The following RARB variants were observed in gnomAD, a reference collection of about 807,000 sequenced individuals.
RARB encodes HBV-activated protein.
RARB carries 17 observed loss-of-function variants against 51.9 expected under a neutral mutation model. The ratio of observed to expected loss-of-function variants is 0.33; its 90% CI spans 0.22 to 0.49. RARB has a LOEUF of 0.49. RARB is among the 20% of genes least tolerant of loss of function. The probability of loss-of-function intolerance (pLI) is 0.99; values close to 1 mark genes in which losing one functional copy is unlikely to be tolerated. For missense variants in RARB, 369 were observed against 550.8 expected, an observed-to-expected ratio of 0.67 and a Z score of 3.30; for synonymous variants, 215 against 195.4, an observed-to-expected ratio of 1.10 and a Z score of -0.84.
At chr3:24,839,236 A>G (rs1413780416) in intron 1 of RARB, among the ~76,000 whole-genome samples, 1 of 152,142 alleles carries the variant, frequency 6.6e-6, no homozygotes, top group Admixed American at 6.5e-5. Context: ...TCCATAGTAA[A>G]AAATATAAAC....
chr3:25,529,552 G>A (rs1282275908), intron 3 of RARB, among the ~76,000 whole-genome samples: 1 of 152,176 alleles, frequency 6.6e-6, no homozygotes, highest in African/African-American at 2.4e-5. Flanking sequence ...AGGAAATGAT[G>A]AAATGGACGA....
At chr3:25,255,392 C>G (rs1212991016) in intron 5 of RARB, among the ~76,000 whole-genome samples, 1 of 152,144 alleles carries the variant, frequency 6.6e-6, no homozygotes, top group East Asian at 1.9e-4. Flanking sequence ...TCATGAGGCT[C>G]TGTTATTATC....
intron 5 of RARB, among the ~76,000 whole-genome samples, chr3:25,216,889 T>C (rs1701846681): frequency 6.6e-6 from 1 of 152,122 alleles, no homozygotes; most frequent in African/African-American, 2.4e-5. Flanking sequence ...TTGGCTGAGA[T>C]TTTGCTGATT....
intron 1 of RARB, among the ~76,000 whole-genome samples, chr3:25,437,942 T>C (rs1269087921): frequency 6.6e-6 from 1 of 152,240 alleles, no homozygotes; most frequent in Non-Finnish European, 1.5e-5. Flanking sequence ...CTTATTCCTG[T>C]GTAACAAACC....
intron 3 of RARB, among the ~76,000 whole-genome samples, chr3:25,531,395 GATAGATAGA>G (rs1248172814): frequency 7.1e-4 from 31 of 43,790 alleles, no homozygotes; most frequent in African/African-American, 5.6e-3. Flanking sequence ...TAGGTAGATA[GATAGATAGA>G]TAGATAGATA....
chr3:25,019,377 G>A (rs1436216281), intron 2 of RARB, among the ~76,000 whole-genome samples: 4 of 152,180 alleles, frequency 2.6e-5, no homozygotes, highest in African/African-American at 9.6e-5. Context: ...TAGACAAAGG[G>A]TAGCATGGAG....
intron 2 of RARB, among the ~76,000 whole-genome samples, chr3:25,481,776 C>T (rs1696234982): frequency 6.6e-6 from 1 of 152,238 alleles, no homozygotes; most frequent in South Asian, 2.1e-4. Flanking sequence ...TTTACCACTT[C>T]CATTTGCTTT....
chr3:25,187,478 C>T (rs1701005084), intron 5 of RARB, among the ~76,000 whole-genome samples: 1 of 151,956 alleles, frequency 6.6e-6, no homozygotes, highest in South Asian at 2.1e-4. Flanking sequence ...ATATATGTTA[C>T]ATTTTTATAG....
At chr3:24,886,021 GCTAA>G (rs1703259470) in intron 2 of RARB, among the ~76,000 whole-genome samples, 1 of 152,096 alleles carries the variant, frequency 6.6e-6, no homozygotes, top group Non-Finnish European at 1.5e-5. Context: ...ACCCTAATTT[GCTAA>G]CTGAGAGCTC....
intron 5 of RARB, among the ~76,000 whole-genome samples, chr3:25,212,353 C>T (rs746090406): frequency 1.8e-4 from 27 of 152,326 alleles, no homozygotes; most frequent in Non-Finnish European, 3.2e-4. Flanking sequence ...GGTACAGTGG[C>T]TCACGCCCAT....
intron 2 of RARB, among the ~76,000 whole-genome samples, chr3:24,895,201 T>C (rs2125367076): frequency 1.3e-5 from 2 of 152,326 alleles, no homozygotes; most frequent in Admixed American, 1.3e-4. Flanking sequence ...AAGCTCAGAA[T>C]TCCATGGATT....
intron 5 of RARB, among the ~76,000 whole-genome samples, chr3:25,231,468 A>G (rs1351904484): frequency 6.6e-6 from 1 of 152,168 alleles, no homozygotes; most frequent in Non-Finnish European, 1.5e-5. Context: ...ACAGCCAAGC[A>G]ATACTCTTTG....
intron 2 of RARB, among the ~76,000 whole-genome samples, chr3:24,961,408 C>T (rs1040069765): frequency 1.3e-5 from 2 of 152,202 alleles, no homozygotes; most frequent in East Asian, 3.8e-4. Flanking sequence ...CATCACTCAG[C>T]TTCATGGATA....
At chr3:25,301,563 T>C (rs972098311) in intron 5 of RARB, among the ~76,000 whole-genome samples, 1 of 152,220 alleles carries the variant, frequency 6.6e-6, no homozygotes, top group African/African-American at 2.4e-5. Flanking sequence ...ATATCTCTTA[T>C]TTCTGCATTT....
intron 5 of RARB, among the ~76,000 whole-genome samples, chr3:25,369,389 G>A (rs1353987476): frequency 6.6e-6 from 1 of 152,092 alleles, no homozygotes; most frequent in African/African-American, 2.4e-5. Context: ...CTATTCAAGG[G>A]ACCTGAGAAT....
intron 5 of RARB, among the ~76,000 whole-genome samples, chr3:25,325,519 C>T (rs1704688864): frequency 6.6e-6 from 1 of 151,994 alleles, no homozygotes; most frequent in South Asian, 2.1e-4. Context: ...GGCTCAAACG[C>T]TCTGACAGAA....
chr3:25,035,853 C>T (rs917072887), intron 2 of RARB, among the ~76,000 whole-genome samples: 11 of 152,110 alleles, frequency 7.2e-5, no homozygotes, highest in Non-Finnish European at 1.6e-4. Context: ...TTGTGAACCA[C>T]TGGTCTACAC....
At chr3:25,049,189 C>T (rs1470724307) in intron 2 of RARB, among the ~76,000 whole-genome samples, 1 of 152,128 alleles carries the variant, frequency 6.6e-6, no homozygotes, top group Admixed American at 6.5e-5. Flanking sequence ...AGCAGTGAGA[C>T]ATTTTAGGGA....
chr3:24,865,184 A>G (rs1372073354), intron 2 of RARB, among the ~76,000 whole-genome samples: 2 of 152,188 alleles, frequency 1.3e-5, no homozygotes, highest in African/African-American at 2.4e-5. Flanking sequence ...TATTATATGC[A>G]TGAACTATAG....
Sources: allele counts gnomAD v4.1 joint callset (sites outside exome capture counted in the v4.1 genomes callset), GRCh38; gene constraint gnomAD v4.1.1; transcripts MANE v1.5; gene names NCBI Gene and HGNC (gene_info 2026-07-23, HGNC 2026-07-21).